The following VGLL4 variants were observed in gnomAD, a reference collection of about 807,000 sequenced individuals.
VGLL4 encodes the protein transcription cofactor vestigial-like protein 4.
Under a neutral mutation model 21.0 loss-of-function variants are expected in VGLL4, and 7 were observed. The observed-to-expected ratio is 0.33, with a 90% CI of 0.19 to 0.63. The LOEUF (loss-of-function observed/expected upper bound fraction) is 0.63, where lower values mean the gene tolerates loss of function less well. Ranked by LOEUF, VGLL4 falls within the 20% of genes least tolerant of loss-of-function variation. VGLL4 has a pLI of 0.78. For missense variants in VGLL4, 394 were observed against 425.7 expected, an observed-to-expected ratio of 0.93 and a Z score of 0.66; for synonymous variants, 222 against 173.2, an observed-to-expected ratio of 1.28 and a Z score of -2.21.
intron 2 of VGLL4, among the ~76,000 whole-genome samples, chr3:11,573,845 T>C (rs965952527): frequency 2.0e-5 from 3 of 152,230 alleles, no homozygotes; most frequent in Non-Finnish European, 2.9e-5. Context: ...TTATCTGAAA[T>C]AGGGTCTTTA....
chr3:11,568,784 G>T lies in VGLL4; in HGVS notation c.273-3765C>A. 3.4e-6 allele frequency: 5 copies of T among 1,469,844 alleles called. No homozygotes were observed. Among genetic ancestry groups the T allele is most frequent in the South Asian group, 1.4e-5 (1 of 71,600 alleles). 91.1% of individuals were successfully genotyped at this position (1,469,844 alleles called of 1,614,324 possible). ...GGAAGTCGCCTCCGCTCCTGGTCAG[G>T]ACTGTGCCCGAGAGAGCCCACGGCA... On this transcript the variant is annotated intron_variant, in intron 2 of 4. Transcript: ENST00000430365. This position sits in a 1 kb window ranked among gnomAD's most constrained non-coding sequence, Gnocchi z 5.9.
At chr3:11,666,107 C>G (rs991393316) in intron 2 of VGLL4, among the ~76,000 whole-genome samples, 5 of 152,102 alleles carry the variant, frequency 3.3e-5, no homozygotes, top group Admixed American at 3.3e-4. Context: ...AAAAAATTAG[C>G]CAGGCATGGT....
intron 1 of VGLL4, among the ~76,000 whole-genome samples, chr3:11,712,600 A>C: frequency 6.6e-6 from 1 of 152,212 alleles, no homozygotes; most frequent in Middle Eastern, 3.2e-3. Flanking sequence ...GGCACCAAGA[A>C]TGGAAGTGAC....
At chr3:11,720,281 C>G (rs1292994019) in intron 1 of VGLL4, 1 of 152,054 alleles carries the variant, frequency 6.6e-6, no homozygotes, top group Non-Finnish European at 1.5e-5. Context: ...CGTCCACACC[C>G]GCTCACCCCC....
intron 1 of VGLL4, among the ~76,000 whole-genome samples, chr3:11,712,883 A>G (rs2076867050): frequency 6.6e-6 from 1 of 152,182 alleles, no homozygotes; most frequent in Non-Finnish European, 1.5e-5. Flanking sequence ...AAACCATGGT[A>G]TATTTGAAAT....
intron 2 of VGLL4, among the ~76,000 whole-genome samples, chr3:11,573,304 AAAGGAAGG>A (rs1559870042): frequency 8.3e-5 from 1 of 12,072 alleles, no homozygotes; most frequent in Admixed American, 8.9e-4. Flanking sequence ...AGAAAGAAAG[AAAGGAAGG>A]AAGGAAGAAA....
intron 1 of VGLL4, among the ~76,000 whole-genome samples, chr3:11,640,175 A>T (rs890407559): frequency 1.3e-5 from 2 of 152,172 alleles, no homozygotes; most frequent in South Asian, 4.1e-4. Flanking sequence ...GAGAGCTTGC[A>T]CTGATTTTTT....
At chr3:11,637,273 C>T (rs2075606714) in intron 1 of VGLL4, among the ~76,000 whole-genome samples, 1 of 152,126 alleles carries the variant, frequency 6.6e-6, no homozygotes, top group Non-Finnish European at 1.5e-5. Flanking sequence ...ATACACTTTT[C>T]TGTATGTATA....
At position 11,629,672 on chromosome 3, in the gene VGLL4, G is replaced by A. The variant is rs140117057; in HGVS notation, c.82+13765C>T. Among the ~76,000 whole-genome samples the A allele has an allele frequency of 2.9e-4, 44 of 151,546 alleles. No individual in the cohort carries two copies. The East Asian group carries it at 7.0e-3, about 24-fold the overall frequency. On this transcript the variant is annotated intron_variant, in intron 1 of 4. Transcript: ENST00000430365. ...TGAGGTAGGAGAATCACTTGAACCC[G>A]GGAGGCAGAGGCGGAGGTTGCAGTG...
chr3:11,606,155 T>C (rs1326668080), intron 1 of VGLL4, among the ~76,000 whole-genome samples: 3 of 151,992 alleles, frequency 2.0e-5, no homozygotes, highest in Non-Finnish European at 4.4e-5. Context: ...GAGAAAGGGG[T>C]GTTCCCTTAT....
intron 3 of VGLL4, among the ~76,000 whole-genome samples, chr3:11,564,412 C>CT (rs374984641): frequency 6.6e-6 from 1 of 151,690 alleles, no homozygotes; most frequent in African/African-American, 2.4e-5. Flanking sequence ...AGGACCCCCC[C>CT]ACCCGAGGAT....
chr3:11,567,721 A>G (rs1437859483), intron 2 of VGLL4, among the ~76,000 whole-genome samples: 1 of 152,230 alleles, frequency 6.6e-6, no homozygotes, highest in African/African-American at 2.4e-5. Flanking sequence ...CAGTCCTGAG[A>G]TCTGCTGGCT....
At chr3:11,680,911 G>A (rs2076359192) in intron 2 of VGLL4, among the ~76,000 whole-genome samples, 1 of 152,104 alleles carries the variant, frequency 6.6e-6, no homozygotes, top group Non-Finnish European at 1.5e-5. Context: ...GAATGGGAGG[G>A]TGGCGGAATC....
At chr3:11,650,622 C>T (rs542301886) in intron 2 of VGLL4, among the ~76,000 whole-genome samples, 5 of 152,186 alleles carry the variant, frequency 3.3e-5, no homozygotes, top group South Asian at 2.1e-4. Flanking sequence ...TACTGGGTTC[C>T]GCTGTGCTCT....
rs2125136546 is a variant in VGLL4 at position 11,565,976 on chromosome 3, G to A, written c.273-957C>T. Among the ~76,000 whole-genome samples, 1 of 152,252 alleles carries A rather than the reference G, an allele frequency of 6.6e-6. No homozygotes were observed. The highest frequency in any genetic ancestry group is 2.4e-5 in the African/African-American group (1 of 41,538). On this transcript the variant is annotated intron_variant, in intron 2 of 4. Transcript: ENST00000430365. The surrounding 1 kb of genome is among the most constrained non-coding windows in gnomAD (Gnocchi z 4.1). ...AGTAACCTTTTTCCGTAACTCATGA[G>A]CTGGTCATTTAAAGAAAAAGGTGGT... is the stretch of plus-strand genomic sequence containing the variant.
intron 2 of VGLL4, among the ~76,000 whole-genome samples, chr3:11,578,371 C>T (rs1420145560): frequency 1.3e-5 from 2 of 152,224 alleles, no homozygotes; most frequent in East Asian, 3.9e-4. Flanking sequence ...TGGCAGTCTC[C>T]TCCTCCCCAC....
At chr3:11,663,456 C>T (rs1575507722) in intron 2 of VGLL4, among the ~76,000 whole-genome samples, 3 of 152,352 alleles carry the variant, frequency 2.0e-5, no homozygotes, top group South Asian at 2.1e-4. Flanking sequence ...CGGTGGCTCA[C>T]GCCTGCGATA....
intron 1 of VGLL4, among the ~76,000 whole-genome samples, chr3:11,609,644 C>T (rs1309127192): frequency 6.6e-6 from 1 of 152,214 alleles, no homozygotes; most frequent in African/African-American, 2.4e-5. Context: ...GATTAATGGA[C>T]TCTCCCAGGG....
intron 2 of VGLL4, among the ~76,000 whole-genome samples, chr3:11,701,361 AG>A (rs76708592): frequency 5.9e-5 from 7 of 118,910 alleles, no homozygotes; most frequent in Non-Finnish European, 1.2e-4. Context: ...GAAGCCAAGC[AG>A]ACACTCATGC....
Sources: gnomAD v4.1 joint callset for allele counts (sites outside exome capture counted in the v4.1 genomes callset) on GRCh38, gnomAD v4.1.1 for gene constraint, Gnocchi (gnomAD v3.1) non-coding constraint, MANE v1.5 for transcripts, NCBI Gene and HGNC (gene_info 2026-07-23, HGNC 2026-07-21) for gene names.